The following SEC63 variants were observed in gnomAD, a reference collection of about 807,000 sequenced individuals.
SEC63 encodes the protein SEC63 protein translocation regulator.
SEC63 carries 56 observed loss-of-function variants against 116.2 expected under a neutral mutation model. The observed-to-expected ratio is 0.48, with a 90% CI of 0.39 to 0.60. SEC63 has a LOEUF of 0.60. Ranked by LOEUF, SEC63 falls within the 20% of genes least tolerant of loss-of-function variation. SEC63 has a pLI of 0.00. For missense variants in SEC63, 668 were observed against 900.0 expected (o/e 0.74, Z 3.30); for synonymous variants, 273 against 294.6 (o/e 0.93, Z 0.75).
chr6:107,915,898 C>T (rs1327175876), intron 4 of SEC63, among the ~76,000 whole-genome samples: 9 of 152,118 alleles, frequency 5.9e-5, no homozygotes, highest in African/African-American at 2.2e-4. Context: ...GTCCCACGAT[C>T]ACTTCACTTT....
intron 1 of SEC63, among the ~76,000 whole-genome samples, chr6:107,952,766 CA>C (rs879631565): frequency 6.7e-5 from 10 of 148,376 alleles, no homozygotes; most frequent in Admixed American, 1.3e-4. Flanking sequence ...CCAAAACAAA[CA>C]AAAAAAAAAT....
chr6:107,901,389 G>A lies in SEC63; in HGVS notation c.1338C>T (p.Thr446=), dbSNP rs1283910065. The A allele has an allele frequency of 6.2e-7, 1 of 1,612,744 alleles. No individual in the cohort carries two copies. Among genetic ancestry groups the A allele is most frequent in the Non-Finnish European group, 8.5e-7 (1 of 1,179,674 alleles). The change falls in exon 13 of 21, where the codon ACC becomes ACT. Residue 446 remains threonine, a synonymous_variant. Transcript: ENST00000369002. ...MAVLGSFPYV[T]MDIKSQVLDD... is the part of the protein sequence containing the mutation. The stretch of plus-strand genomic sequence containing the variant: ...ACTTACCCTGTGATTTTATATCCAT[G>A]GTCACATATGGAAAACTCCCAAGGA...
chr6:107,875,165 A>G (rs1786233723), intron 19 of SEC63, among the ~76,000 whole-genome samples: 2 of 152,076 alleles, frequency 1.3e-5, no homozygotes, highest in African/African-American at 4.8e-5. Flanking sequence ...CACCCAGCCC[A>G]AGGCCCTGGT....
At chr6:107,934,427 G>A (rs946155739) in intron 1 of SEC63, among the ~76,000 whole-genome samples, 16 of 150,728 alleles carry the variant, frequency 1.1e-4, no homozygotes, top group Non-Finnish European at 7.4e-5. Context: ...CGTCTGGGAT[G>A]TGAGAGTGCC....
intron 3 of SEC63, among the ~76,000 whole-genome samples, chr6:107,922,604 G>A (rs1787583446): frequency 6.6e-6 from 1 of 152,106 alleles, no homozygotes; most frequent in African/African-American, 2.4e-5. Flanking sequence ...ACTTTCTAAG[G>A]AATAATCTGA....
At chr6:107,916,824 C>T (rs1383932544) in intron 4 of SEC63, among the ~76,000 whole-genome samples, 1 of 152,168 alleles carries the variant, frequency 6.6e-6, no homozygotes, top group Admixed American at 6.5e-5. Context: ...TCAAATGCTC[C>T]ACTCACTGGC....
Position 107,929,482 on chromosome 6 carries a change from A to G in SEC63, c.157T>C (p.Tyr53His), listed in dbSNP as rs1307761130. 6.3e-7 allele frequency: 1 copy of G among 1,599,876 alleles called. No homozygotes were observed. The highest frequency in any genetic ancestry group is 8.6e-7 in the Non-Finnish European group (1 of 1,167,284). ...AAACGATACCACATACACCTTCCAT[A>G]TACTTTTCTGATATTCTTTAATCGA... Reference protein sequence around the residue: ...QIRLKNIRKVYGRCMWYRLRL... With the variant: ...QIRLKNIRKVHGRCMWYRLRL... The change falls in exon 2 of 21, where the codon TAT becomes CAT. Residue 53 changes from tyrosine (Y) to histidine (H), a missense_variant. Coordinates refer to ENST00000369002, the MANE Select transcript of SEC63 (RefSeq NM_007214.5).
At chr6:107,953,879 C>G (rs1421914561) in intron 1 of SEC63, among the ~76,000 whole-genome samples, 2 of 151,440 alleles carry the variant, frequency 1.3e-5, no homozygotes, top group Non-Finnish European at 3.0e-5. Context: ...GCCGCCCGGT[C>G]CGGGAGGTGA....
rs372562691 is a variant in SEC63, at chr6:107,897,713, C to G, written c.1376G>C (p.Ser459Thr). The change falls in exon 14 of 21, where the codon AGC (serine) becomes ACC (threonine). Residue 459 changes from serine to threonine, a missense_variant. Physicochemically the swap from Ser to Thr is moderately conservative, Grantham distance 58. Coordinates refer to ENST00000369002, the MANE Select transcript of SEC63 (RefSeq NM_007214.5). Reference protein sequence around the residue: ...IKSQVLDDEDSNNITVGSLVT... With the variant: ...IKSQVLDDEDTNNITVGSLVT... The stretch of plus-strand genomic sequence containing the variant: ...TAAGGATCCTACTGTGATGTTGTTG[C>G]TATCTTCATCATCTAACACTGTTAA... The G allele has an allele frequency of 1.6e-5, 25 of 1,607,108 alleles. No individual in the cohort carries two copies. Among genetic ancestry groups the G allele is most frequent in the Non-Finnish European group, 2.0e-5 (24 of 1,174,042 alleles).
chr6:107,893,872 A>G lies in SEC63; in HGVS notation c.1466T>C (p.Ile489Thr), dbSNP rs1300774378. 1 of 1,614,038 alleles carries G rather than the reference A, an allele frequency of 6.2e-7. No homozygotes were observed. The highest frequency in any genetic ancestry group is 8.5e-7 in the Non-Finnish European group (1 of 1,180,026). The change falls in exon 15 of 21, where the codon ATC becomes ACC. Residue 489 changes from isoleucine (I) to threonine (T), a missense_variant. By Grantham distance (89) the Ile-to-Thr change is moderately conservative. Transcript: ENST00000369002. ...TGCTGGCTGTTCCTCTGCAGCACAGATGGACTGCTCCTTTTCAAATACTTC... is the reference window on the plus strand; with the variant it reads ...TGCTGGCTGTTCCTCTGCAGCACAGGTGGACTGCTCCTTTTCAAATACTTC... The part of the protein sequence containing the change: ...MAEVFEKEQS[I>T]CAAEEQPAED...
At chr6:107,874,605 A>G (rs1786216043) in intron 19 of SEC63, among the ~76,000 whole-genome samples, 1 of 151,824 alleles carries the variant, frequency 6.6e-6, no homozygotes, top group African/African-American at 2.4e-5. Context: ...CAAAAAAAAA[A>G]AAAAAAAAAA....
Position 107,871,709 on chromosome 6 carries a change from C to A in SEC63, c.2278G>T (p.Asp760Tyr). 2.5e-6 allele frequency: 4 copies of A among 1,612,434 alleles called. No individual in the cohort carries two copies. The highest frequency in any genetic ancestry group is 3.4e-6 in the Non-Finnish European group (4 of 1,179,740). Residue 760 changes from aspartate to tyrosine, a missense_variant, in exon 21 of 21, where the codon GAC becomes TAC. By Grantham distance (160) the Asp-to-Tyr change is radical. Around this residue, in one of 5 missense-constraint regions of SEC63, gnomAD observed 85 missense variants for 116.3 expected, o/e 0.73. Transcript: ENST00000369002. ...EEEEEEEEDD[D>Y] ...TGGTCCATTCAGAGTACTGCTTAGTCATCATCTTCTTCTTCCTCCTCTTCT... is the reference window on the plus strand; with the variant it reads ...TGGTCCATTCAGAGTACTGCTTAGTAATCATCTTCTTCTTCCTCCTCTTCT...
In SEC63 at chr6:107,904,690, G is replaced by A; in HGVS notation, c.993C>T (p.Ala331=). Residue 331 remains alanine (A), a synonymous_variant, in exon 11 of 21, where the codon GCC becomes GCT. Transcript: ENST00000369002. ...DQQFMLKKCP[A]LLQEMVNVIC... is the part of the protein sequence containing the mutation. ...TTACATTAACCATTTCTTGAAGTAG[G>A]GCAGGACACTTTTTTAGCATGAATT... 2 of 1,613,722 alleles carry A rather than the reference G, an allele frequency of 1.2e-6. No homozygotes were observed. Among genetic ancestry groups the A allele is most frequent in the Non-Finnish European group, 1.7e-6 (2 of 1,179,704 alleles).
intron 1 of SEC63, chr6:107,930,172 TC>T (rs1766741679): frequency 1.7e-5 from 2 of 120,764 alleles, no homozygotes; most frequent in Non-Finnish European, 1.7e-5. Flanking sequence ...TGCAAAGTAT[TC>T]TTTTTTTTTT....
intron 4 of SEC63, among the ~76,000 whole-genome samples, chr6:107,921,094 A>C (rs999053746): frequency 2.0e-5 from 3 of 152,188 alleles, no homozygotes; most frequent in Non-Finnish European, 4.4e-5. Context: ...AAAGAAAAAG[A>C]CACCAAAAAT....
At position 107,958,116 on chromosome 6, in the gene SEC63, C is replaced by T; in HGVS notation, c.-107G>A. On this transcript the variant is annotated 5_prime_UTR_variant, in exon 1 of 21. Transcript: ENST00000369002. ...GAGTGGCGTAGCTTGGACACTGCCG[C>T]CGCCGCCTCTCCTCCCCGCCCCCAC... The T allele has an allele frequency of 6.5e-7, 1 of 1,537,480 alleles. No individual in the cohort carries two copies. Among genetic ancestry groups the T allele is most frequent in the East Asian group, 2.3e-5 (1 of 43,328 alleles).
At chr6:107,942,757 G>A (rs1213081671) in intron 1 of SEC63, among the ~76,000 whole-genome samples, 1 of 152,088 alleles carries the variant, frequency 6.6e-6, no homozygotes, top group East Asian at 1.9e-4. Flanking sequence ...CACATATTTT[G>A]TGTATGTATT....
chr6:107,950,667 G>A (rs529462235), intron 1 of SEC63, among the ~76,000 whole-genome samples: 3 of 152,216 alleles, frequency 2.0e-5, no homozygotes, highest in South Asian at 2.1e-4. Context: ...TGAAACACAC[G>A]GAAGTTAAAT....
In SEC63 at chr6:107,920,196, G is replaced by C. The variant is rs1054762348; in HGVS notation, c.452+1601C>G. Among the ~76,000 whole-genome samples, 5 of 152,126 alleles carry C rather than the reference G, an allele frequency of 3.3e-5. No homozygotes were observed. In the East Asian group the frequency reaches 9.7e-4, roughly 29 times the overall value. On this transcript the variant is annotated intron_variant, in intron 4 of 20. Coordinates refer to ENST00000369002, the MANE Select transcript of SEC63 (RefSeq NM_007214.5). ...CCCAGCACTTTGGGAGGCCGAGGCG[G>C]GAGGATCACGACGTCAGGAAATCGA...
Sources: gnomAD v4.1 joint callset for allele counts (sites outside exome capture counted in the v4.1 genomes callset) on GRCh38, gnomAD v4.1.1 for gene constraint, gnomAD v4.1.1 regional missense constraint, MANE v1.5 for transcripts, NCBI Gene and HGNC (gene_info 2026-07-23, HGNC 2026-07-21) for gene names.